Variants in IL18 observed in about 807,000 individuals in gnomAD.
The protein encoded by IL18 is interleukin 18.
Under a neutral mutation model 14.2 loss-of-function variants are expected in IL18, and 8 were observed. The ratio of observed to expected loss-of-function variants is 0.56; its 90% CI spans 0.33 to 1.01. The LOEUF is 1.01. Among genes scored for constraint, IL18 ranks in the 50% least tolerant of loss-of-function variants. IL18 has a pLI of 0.03. For synonymous variants in IL18, 67 were observed against 71.0 expected (o/e 0.94, Z 0.28); for missense variants, 166 against 231.1 (o/e 0.72, Z 1.83).
chr11:112,156,387 A>G (rs772584314), intron 1 of IL18, among the ~76,000 whole-genome samples: 2 of 152,132 alleles, frequency 1.3e-5, no homozygotes, highest in Non-Finnish European at 2.9e-5. Flanking sequence ...TTAGTTCCTT[A>G]TGCTCATCTA....
intron 3 of IL18, chr11:112,150,451 C>T (rs1288054201): frequency 2.9e-6 from 1 of 348,922 alleles, no homozygotes; most frequent in Non-Finnish European, 5.3e-6. Context: ...TGACCGGTCT[C>T]TTACCCTTCT....
intron 1 of IL18, among the ~76,000 whole-genome samples, chr11:112,159,948 G>C (rs1324936044): frequency 6.6e-6 from 1 of 152,078 alleles, no homozygotes; most frequent in Admixed American, 6.6e-5. Context: ...TGGGGGGAGA[G>C]TTATATACAT....
rs201905541 is a variant in IL18, at chr11:112,143,521, A to G, written c.*75T>C. On this transcript the variant is annotated 3_prime_UTR_variant, in exon 6 of 6. Coordinates refer to ENST00000280357, the MANE Select transcript of IL18 (RefSeq NM_001562.4). ...GGTCTTGAACACCTGACCTCTGGTG[A>G]TCTGCCCGCCTCAGCCTCCCAAAGG... 16 of 917,026 alleles carry G rather than the reference A, an allele frequency of 1.7e-5. No homozygotes were observed. The highest frequency in any genetic ancestry group is 3.3e-5 in the African/African-American group (2 of 60,888). 56.8% of individuals were successfully genotyped at this position (917,026 alleles called of 1,614,324 possible).
chr11:112,146,675 A>T (rs183562828), intron 5 of IL18, among the ~76,000 whole-genome samples: 66 of 152,084 alleles, frequency 4.3e-4, no homozygotes, highest in Admixed American at 1.0e-3. Flanking sequence ...CACTGCTAAG[A>T]TCCTTATTAG....
chr11:112,146,257 A>AACTTTATAGG (rs1167763629), intron 5 of IL18, among the ~76,000 whole-genome samples: 1 of 152,086 alleles, frequency 6.6e-6, no homozygotes, highest in Non-Finnish European at 1.5e-5. Context: ...TTGACCAAAG[A>AACTTTATAGG]ACTTTATAGG....
At chr11:112,144,244 T>A (rs926914516) in intron 5 of IL18, among the ~76,000 whole-genome samples, 13 of 152,334 alleles carry the variant, frequency 8.5e-5, no homozygotes, top group Middle Eastern at 3.4e-3. Flanking sequence ...CTTTTTCTTT[T>A]TGCTTTGAGA....
At chr11:112,158,987 C>T (rs562639840) in intron 1 of IL18, among the ~76,000 whole-genome samples, 1 of 151,332 alleles carries the variant, frequency 6.6e-6, no homozygotes, top group Admixed American at 6.6e-5. Context: ...AAAAAAAATA[C>T]TGACTTAAAT....
intron 1 of IL18, among the ~76,000 whole-genome samples, chr11:112,159,437 T>A (rs1866592251): frequency 1.3e-5 from 2 of 151,942 alleles, no homozygotes; most frequent in African/African-American, 4.8e-5. Flanking sequence ...AATTAAGAGT[T>A]GATGAGGCTA....
chr11:112,147,816 A>G (rs934458769), intron 5 of IL18, among the ~76,000 whole-genome samples: 6 of 152,194 alleles, frequency 3.9e-5, no homozygotes, highest in Admixed American at 6.5e-5. Context: ...TCTCCACTCA[A>G]AAAGAGTCTT....
intron 1 of IL18, among the ~76,000 whole-genome samples, chr11:112,161,913 T>TGGG (rs149154794): frequency 0.11 from 16,091 of 152,082 alleles, 1,109 homozygotes; most frequent in East Asian, 0.39. Flanking sequence ...TCCTGTTGAA[T>TGGG]AGGTATGGGA....
intron 5 of IL18, among the ~76,000 whole-genome samples, chr11:112,145,467 C>T (rs185629512): frequency 1.3e-5 from 2 of 152,290 alleles, no homozygotes; most frequent in African/African-American, 2.4e-5. Context: ...GAGCCGGGTG[C>T]GATGGCTCAC....
intron 1 of IL18, among the ~76,000 whole-genome samples, chr11:112,156,606 G>GATAAGTTT (rs1805058873): frequency 6.6e-6 from 1 of 151,860 alleles, no homozygotes; most frequent in African/African-American, 2.4e-5. Flanking sequence ...ACCACACCCA[G>GATAAGTTT]ATAAGTTTTC....
At chr11:112,157,475 T>C (rs1158739068) in intron 1 of IL18, among the ~76,000 whole-genome samples, 1 of 152,104 alleles carries the variant, frequency 6.6e-6, no homozygotes, top group Non-Finnish European at 1.5e-5. Flanking sequence ...AAACCACACA[T>C]GAATGAGAGT....
intron 2 of IL18, among the ~76,000 whole-genome samples, chr11:112,154,701 C>T (rs1866503384): frequency 6.6e-6 from 1 of 152,096 alleles, no homozygotes; most frequent in Non-Finnish European, 1.5e-5. Context: ...TGGGATTTTC[C>T]CATGAAAACT....
chr11:112,159,461 T>C (rs1356177250), intron 1 of IL18, among the ~76,000 whole-genome samples: 5 of 151,958 alleles, frequency 3.3e-5, no homozygotes, highest in African/African-American at 7.3e-5. Context: ...ATTAAGGTAA[T>C]GAATTCAAGA....
chr11:112,149,959 A>G, intron 4 of IL18, 113 bp downstream of exon 4: 3 of 970,860 alleles, frequency 3.1e-6, no homozygotes, highest in African/African-American at 1.6e-5. Flanking sequence ...AATTATTGTC[A>G]CTCCTGTGAC....
At chr11:112,146,568 C>T (rs1446324550) in intron 5 of IL18, among the ~76,000 whole-genome samples, 1 of 152,200 alleles carries the variant, frequency 6.6e-6, no homozygotes, top group Non-Finnish European at 1.5e-5. Context: ...AAGTGAGACA[C>T]TCGCCTTGCC....
At chr11:112,152,417 T>G (rs192028958) in intron 3 of IL18, among the ~76,000 whole-genome samples, 34 of 152,304 alleles carry the variant, frequency 2.2e-4, no homozygotes, top group African/African-American at 7.0e-4. Flanking sequence ...CCCTTAATTT[T>G]GTCCTCCTCA....
chr11:112,153,578 C>T lies in IL18; in HGVS notation c.91+14G>A. 2 of 1,527,422 alleles carry T rather than the reference C, an allele frequency of 1.3e-6. No homozygotes were observed. Among genetic ancestry groups the T allele is most frequent in the Non-Finnish European group, 1.8e-6 (2 of 1,119,998 alleles). 94.6% of individuals were successfully genotyped at this position (1,527,422 alleles called of 1,614,324 possible). On this transcript the variant is annotated intron_variant, in intron 3 of 5. Transcript: ENST00000280357. ...CTTAGTTTGCAAAGAAAAATAAATT[C>T]ATTTCTACTTTACCATCATCTTCAG...
Sources: allele counts gnomAD v4.1 joint callset (sites outside exome capture counted in the v4.1 genomes callset), GRCh38; gene constraint gnomAD v4.1.1; transcripts MANE v1.5; gene names NCBI Gene and HGNC (gene_info 2026-07-23, HGNC 2026-07-21).